The following DNAH2 variants were observed in gnomAD, a reference collection of about 807,000 sequenced individuals.
DNAH2 encodes axonemal beta dynein heavy chain 2.
A neutral mutation model predicts 523.5 loss-of-function variants in DNAH2; 323 were observed. The observed-to-expected ratio is 0.62, with a 90% CI of 0.56 to 0.68. The LOEUF is 0.68. DNAH2 is among the 30% of genes least tolerant of loss of function. DNAH2 has a pLI of 0.00. For missense variants in DNAH2, 4,907 were observed against 5,701.5 expected, an observed-to-expected ratio of 0.86 and a Z score of 4.49; for synonymous variants, 2,093 against 2,177.4, an observed-to-expected ratio of 0.96 and a Z score of 1.08.
rs777743128 is a variant in DNAH2, at chr17:7,797,499, T to C, written c.8049T>C (p.His2683=). Residue 2683 remains histidine (H), a synonymous_variant, in exon 52 of 86, where the codon CAT becomes CAC. Coordinates refer to ENST00000572933, the MANE Select transcript of DNAH2 (RefSeq NM_020877.5). ...CCTTCTTTGACCTCACATTTCATCA[T>C]CTCTGTCCCAGCAAGCGTCCTCCTA... ...LGSFFDLTFH[H]LCPSKRPPIF... is the part of the protein sequence containing the mutation. 3.1e-6 allele frequency: 5 copies of C among 1,614,170 alleles called. No individual in the cohort carries two copies. The African/African-American group carries it at 6.7e-5, about 22-fold the overall frequency.
Position 7,741,274 on chromosome 17 carries a change from CTTT to C in DNAH2, c.1689+283_1689+285del, listed in dbSNP as rs2075318966. ...TCTTTCTTTCTTTCTTTCTTTCTTTCTTTCTTTCTTTCTTTCTTTCTTCCTTCC... is the reference window on the plus strand; with the variant it reads ...TCTTTCTTTCTTTCTTTCTTTCTTTCCTTTCTTTCTTTCTTTCTTCCTTCC... On this transcript the variant is annotated intron_variant, in intron 11 of 85. Coordinates refer to ENST00000572933, the MANE Select transcript of DNAH2 (RefSeq NM_020877.5). Among the ~76,000 whole-genome samples, 8 of 53,306 alleles carry C rather than the reference CTTT, an allele frequency of 1.5e-4. No individual in the cohort carries two copies. In the South Asian group the frequency reaches 3.2e-3, roughly 21 times the overall value. The allele number at this position is 53,306 out of a possible 152,430, so 35.0% of individuals were successfully genotyped here.
chr17:7,751,920 G>GGGGA (rs111751776), intron 12 of DNAH2, among the ~76,000 whole-genome samples: 1 of 145,876 alleles, frequency 6.9e-6, no homozygotes, highest in Admixed American at 6.9e-5. Context: ...ATAGTTGTGG[G>GGGGA]GTGTGTGTGT....
intron 48 of DNAH2, among the ~76,000 whole-genome samples, chr17:7,793,854 T>A (rs1470825578): frequency 1.3e-5 from 2 of 152,144 alleles, no homozygotes; most frequent in Non-Finnish European, 2.9e-5. Context: ...CGCCTAGTGC[T>A]ATATTCATGT....
At chr17:7,830,894 G>C in intron 79 of DNAH2, 52 bp downstream of exon 79, 2 of 1,608,300 alleles carry the variant, frequency 1.2e-6, no homozygotes, top group Admixed American at 3.3e-5. Flanking sequence ...AGTCAGCCAG[G>C]TGGTGGGATC....
intron 21 of DNAH2, 33 bp downstream of exon 21, chr17:7,765,598 G>GC: frequency 6.3e-7 from 1 of 1,588,422 alleles, no homozygotes; most frequent in African/African-American, 1.3e-5. Context: ...CGCTTCTTTA[G>GC]CCTTTGTTTA....
intron 18 of DNAH2, among the ~76,000 whole-genome samples, chr17:7,761,348 G>T (rs551069572): frequency 6.6e-6 from 1 of 152,210 alleles, no homozygotes; most frequent in South Asian, 2.1e-4. Flanking sequence ...GCTCACTGCG[G>T]CCTGGACCTC....
rs2075185049 is a variant in DNAH2 at position 7,737,816 on chromosome 17, C to T, written c.1170+558C>T. On this transcript the variant is annotated intron_variant, in intron 8 of 85. Transcript: ENST00000572933. ...TGGAACCCAGAGGTGTCGGCCTGGC[C>T]AGGGGTGGAGAACCAGGGGTGGGAT... 4 of 632,394 alleles carry T rather than the reference C, an allele frequency of 6.3e-6. No homozygotes were observed. The Admixed American group carries it at 9.2e-5, about 15-fold the overall frequency. The allele number at this position is 632,394 out of a possible 1,614,324, so 39.2% of individuals were successfully genotyped here.
chr17:7,722,067 C>T (rs911029140), intron 2 of DNAH2, among the ~76,000 whole-genome samples: 6 of 152,082 alleles, frequency 3.9e-5, no homozygotes, highest in Non-Finnish European at 2.9e-5. Flanking sequence ...GGCGTGATCT[C>T]GGCTCACTGC....
At position 7,754,987 on chromosome 17, in the gene DNAH2, G is replaced by A; in HGVS notation, c.1905-2104G>A. ...GGCAGAAAAAAAAAAAAAAAGAATA[G>A]GCAGCCCAGGAAGAAGGGTTAGCCT... On this transcript the variant is annotated intron_variant, in intron 12 of 85. Transcript: ENST00000572933. The surrounding 1 kb of genome is among the most constrained non-coding windows in gnomAD (Gnocchi z 4.6). 1 of 410,648 alleles carries A rather than the reference G, an allele frequency of 2.4e-6. No individual in the cohort carries two copies. The highest frequency in any genetic ancestry group is 6.7e-5 in the South Asian group (1 of 14,816). 25.4% of individuals were successfully genotyped at this position (410,648 alleles called of 1,614,324 possible). A position where few individuals can be genotyped will look rare whatever the true frequency, so the allele number is the denominator to read the frequency against.
intron 2 of DNAH2, among the ~76,000 whole-genome samples, chr17:7,721,381 C>T (rs1260994406): frequency 6.6e-6 from 1 of 151,908 alleles, no homozygotes; most frequent in African/African-American, 2.4e-5. Flanking sequence ...ACCATGTTGC[C>T]CAGGCTGGTC....
chr17:7,741,288 T>TCCC (rs1567624752), intron 11 of DNAH2, among the ~76,000 whole-genome samples: 3 of 60,372 alleles, frequency 5.0e-5, no homozygotes, highest in South Asian at 9.2e-4. Context: ...CTTTCTTTCT[T>TCCC]TCTTTCTTCC....
chr17:7,795,504 C>G (rs1442786790), intron 49 of DNAH2, among the ~76,000 whole-genome samples: 1 of 151,672 alleles, frequency 6.6e-6, no homozygotes, highest in Non-Finnish European at 1.5e-5. Flanking sequence ...GAAACCCTGT[C>G]TCTACAAAAA....
rs780764858 is a variant in DNAH2 at position 7,824,637 on chromosome 17, C to T, written c.11763C>T (p.Ser3921=). Reference sequence around the variant, plus strand: ...TGCAGGTGGAGGATCCTCATCCATCCTTCCGCCTCTGGCTCAGCTCCATCC... The same window carrying T: ...TGCAGGTGGAGGATCCTCATCCATCTTTCCGCCTCTGGCTCAGCTCCATCC... ...EQLQVEDPHP[S]FRLWLSSIPH... Residue 3921 remains serine, a synonymous_variant, in exon 77 of 86, where the codon TCC becomes TCT. Transcript: ENST00000572933. 2 of 1,609,822 alleles carry T rather than the reference C, an allele frequency of 1.2e-6. No individual in the cohort carries two copies. The highest frequency in any genetic ancestry group is 1.7e-6 in the Non-Finnish European group (2 of 1,177,130).
At chr17:7,738,706 C>T (rs535342044) in intron 8 of DNAH2, among the ~76,000 whole-genome samples, 15 of 152,182 alleles carry the variant, frequency 9.9e-5, no homozygotes, top group Middle Eastern at 3.4e-3. Flanking sequence ...TTGACCCCAT[C>T]GTCTAAAATT....
At chr17:7,799,003 C>A (rs2077147051) in intron 55 of DNAH2, 100 bp from the exon 56 acceptor site, 2 of 1,492,396 alleles carry the variant, frequency 1.3e-6, no homozygotes, top group Non-Finnish European at 1.8e-6. Context: ...GAGTTCAAGT[C>A]CAGCCTGGGA....
At position 7,833,605 on chromosome 17, in the gene DNAH2, G is replaced by A. The variant is rs995478357; in HGVS notation, c.*72G>A. On this transcript the variant is annotated 3_prime_UTR_variant, in exon 86 of 86. Transcript: ENST00000572933. The stretch of plus-strand genomic sequence containing the variant: ...GAGCTAAGACAGATGTTGCACCTAG[G>A]ACTGAGGCCGGACCTCACTCAGACT... 10 of 1,595,018 alleles carry A rather than the reference G, an allele frequency of 6.3e-6. No homozygotes were observed. The African/African-American group carries it at 1.1e-4, about 17-fold the overall frequency.
rs1567652395 is a variant in DNAH2, at chr17:7,759,903, GCA to G, written c.2751_2752del (p.Lys918ValfsTer4). On this transcript the variant is annotated frameshift_variant, in exon 17 of 86. Coordinates refer to ENST00000572933, the MANE Select transcript of DNAH2 (RefSeq NM_020877.5). LOFTEE classifies it high-confidence loss of function. ...CACCTCCCTGACATTCTCACCAAGC[GCA>G]AGTTACATCGTGAACCCATCCAAAC... The G allele has an allele frequency of 6.2e-7, 1 of 1,614,184 alleles. No individual in the cohort carries two copies. The highest frequency in any genetic ancestry group is 1.6e-4 in the Middle Eastern group (1 of 6,062).
chr17:7,823,834 G>A lies in DNAH2; in HGVS notation c.11330G>A (p.Gly3777Asp). The change falls in exon 75 of 86, where the codon GGT (glycine) becomes GAT (aspartate). Residue 3777 changes from glycine to aspartate, a missense_variant and splice_region_variant. Physicochemically the swap from Gly to Asp is moderately conservative, Grantham distance 94. This residue lies in a region of DNAH2 where 1,851 missense variants were observed against 2,139.4 expected (regional missense o/e 0.87). Transcript: ENST00000572933. ...CTGCAATGACTCACCTCATCCCCAG[G>A]TGAGTGGGAAAATGCCTGCAATGAA... ...NAAPEKAMLP[G>D]EWENACNEMQ... 6.2e-7 allele frequency: 1 copy of A among 1,613,970 alleles called. No homozygotes were observed. The highest frequency in any genetic ancestry group is 8.5e-7 in the Non-Finnish European group (1 of 1,179,940).
chr17:7,824,499 A>G (rs776212936), intron 76 of DNAH2, 38 bp from the exon 77 acceptor site: 2 of 1,489,984 alleles, frequency 1.3e-6, no homozygotes, highest in Admixed American at 2.1e-5. Flanking sequence ...GGCAGGGCTT[A>G]GGAAATGATT....
Sources: allele counts gnomAD v4.1 joint callset (sites outside exome capture counted in the v4.1 genomes callset), GRCh38; gene constraint gnomAD v4.1.1; regional missense constraint gnomAD v4.1.1; non-coding constraint Gnocchi (gnomAD v3.1); transcripts MANE v1.5; gene names NCBI Gene and HGNC (gene_info 2026-07-23, HGNC 2026-07-21).